DLGAP2: variants seen among roughly 807,000 people sequenced by gnomAD.
DLGAP2 encodes the protein disks large-associated protein 2.
DLGAP2 carries 26 observed loss-of-function variants against 100.3 expected under a neutral mutation model. The ratio of observed to expected loss-of-function variants is 0.26; its 90% confidence interval spans 0.19 to 0.36. DLGAP2 has a LOEUF of 0.36. Among genes scored for constraint, DLGAP2 ranks in the 10% least tolerant of loss-of-function variants. The probability of loss-of-function intolerance (pLI) is 1.00; values close to 1 mark genes in which losing one functional copy is unlikely to be tolerated. For missense variants in DLGAP2, 1,858 were observed against 1,453.2 expected (o/e 1.28, Z -4.53); for synonymous variants, 886 against 630.1 (o/e 1.41, Z -6.08).
Position 880,298 on chromosome 8 carries a change from T to G in DLGAP2, c.19-27614T>G, listed in dbSNP as rs1048927509. ...CCTCATGCACACACTTTGTGCATCC[T>G]GCCACCGAGGCCATGCGTCTTCTAG... On this transcript the variant is annotated intron_variant, in intron 1 of 14. Coordinates refer to ENST00000637795, the MANE Select transcript of DLGAP2 (RefSeq NM_001346810.2). Among the ~76,000 whole-genome samples, 17 of 152,388 alleles carry G rather than the reference T, an allele frequency of 1.1e-4. 1 individual carries two copies. The highest frequency in any genetic ancestry group is 8.5e-4 in the Admixed American group (13 of 15,308).
At chr8:1,293,523 C>G (rs979420271) in intron 3 of DLGAP2, among the ~76,000 whole-genome samples, 3 of 152,214 alleles carry the variant, frequency 2.0e-5, no homozygotes, top group Non-Finnish European at 4.4e-5. Flanking sequence ...TTCCCATTAT[C>G]TTCCTTTGGG....
At chr8:999,024 G>C (rs1800866100) in intron 2 of DLGAP2, among the ~76,000 whole-genome samples, 1 of 152,156 alleles carries the variant, frequency 6.6e-6, no homozygotes, top group South Asian at 2.1e-4. Flanking sequence ...GCTGCCTCCA[G>C]ATGAACCATA....
At chr8:1,638,985 C>A (rs569136985) in intron 8 of DLGAP2, among the ~76,000 whole-genome samples, 65 of 152,290 alleles carry the variant, frequency 4.3e-4, no homozygotes, top group Non-Finnish European at 7.2e-4. Flanking sequence ...CCAGTACAAC[C>A]GGGGAGCCGG....
At chr8:1,249,024 C>T (rs192110757) in intron 2 of DLGAP2, among the ~76,000 whole-genome samples, 1 of 152,102 alleles carries the variant, frequency 6.6e-6, no homozygotes, top group African/African-American at 2.4e-5. Context: ...AGGAGAGAGG[C>T]CCTTTATGCT....
intron 6 of DLGAP2, among the ~76,000 whole-genome samples, chr8:1,590,447 T>C (rs1450154738): frequency 6.6e-6 from 1 of 152,212 alleles, no homozygotes; most frequent in Non-Finnish European, 1.5e-5. Flanking sequence ...AAATATAGGA[T>C]GTCATTTCTC....
intron 3 of DLGAP2, among the ~76,000 whole-genome samples, chr8:1,494,797 C>A (rs191568461): frequency 6.6e-6 from 1 of 152,108 alleles, no homozygotes; most frequent in South Asian, 2.1e-4. Flanking sequence ...CAGACACCAC[C>A]ACACCACAGA....
chr8:963,064 G>C (rs1361536520), intron 2 of DLGAP2, among the ~76,000 whole-genome samples: 2 of 152,154 alleles, frequency 1.3e-5, no homozygotes, highest in Non-Finnish European at 1.5e-5. Flanking sequence ...TGTGGGCTTC[G>C]GTGCGGGCGC....
chr8:738,198 C>T (rs996088067), intron 1 of DLGAP2: 1 of 166,516 alleles, frequency 6.0e-6, no homozygotes, highest in Admixed American at 6.4e-5. Flanking sequence ...GGCTACGCGC[C>T]TAGCTCCGGT....
At chr8:1,578,528 C>A (rs543381611) in intron 6 of DLGAP2, among the ~76,000 whole-genome samples, 1 of 152,226 alleles carries the variant, frequency 6.6e-6, no homozygotes, top group South Asian at 2.1e-4. Flanking sequence ...CCTTCTAAAC[C>A]ACAGAGCAGA....
chr8:892,971 C>G (rs1442416206), intron 1 of DLGAP2: 1 of 143,710 alleles, frequency 7.0e-6, no homozygotes, highest in Non-Finnish European at 1.5e-5. Flanking sequence ...TGGGATTGGT[C>G]TGTGGTTGTG....
intron 1 of DLGAP2, among the ~76,000 whole-genome samples, chr8:849,316 A>T (rs1438170594): frequency 6.6e-6 from 1 of 152,236 alleles, no homozygotes; most frequent in Non-Finnish European, 1.5e-5. Flanking sequence ...GTTCCAGTAC[A>T]GGAACGAGCC....
chr8:1,476,795 AG>A (rs1188207873), intron 3 of DLGAP2, among the ~76,000 whole-genome samples: 7 of 139,800 alleles, frequency 5.0e-5, no homozygotes, highest in Admixed American at 5.0e-4. Context: ...CCCCTTCTGC[AG>A]ACCCACCCGT....
intron 2 of DLGAP2, among the ~76,000 whole-genome samples, chr8:1,174,819 C>T (rs1381291390): frequency 6.6e-6 from 1 of 152,148 alleles, no homozygotes; most frequent in Non-Finnish European, 1.5e-5. Flanking sequence ...TTACCATCAT[C>T]TAGACTATAG....
chr8:1,344,974 C>A (rs527582218), intron 3 of DLGAP2, among the ~76,000 whole-genome samples: 1 of 152,176 alleles, frequency 6.6e-6, no homozygotes, highest in Non-Finnish European at 1.5e-5. Context: ...AGGGCTAGAC[C>A]GCCAGTTAAT....
chr8:1,140,054 T>G (rs1796494900), intron 2 of DLGAP2, among the ~76,000 whole-genome samples: 1 of 152,184 alleles, frequency 6.6e-6, no homozygotes, highest in South Asian at 2.1e-4. Context: ...GGTGCTTTTT[T>G]TCTATGTAAG....
chr8:1,257,652 G>A (rs539229861), intron 2 of DLGAP2, among the ~76,000 whole-genome samples: 11 of 152,314 alleles, frequency 7.2e-5, no homozygotes, highest in East Asian at 3.9e-4. Flanking sequence ...TGTAGCTGAC[G>A]TGGAAGAGCC....
chr8:1,623,057 T>A (rs968050033), intron 6 of DLGAP2, among the ~76,000 whole-genome samples: 1 of 152,234 alleles, frequency 6.6e-6, no homozygotes, highest in African/African-American at 2.4e-5. Context: ...GATAAAATGC[T>A]AAGCCATTAT....
intron 2 of DLGAP2, among the ~76,000 whole-genome samples, chr8:1,214,846 G>A (rs1378163359): frequency 6.6e-6 from 1 of 152,228 alleles, no homozygotes; most frequent in Non-Finnish European, 1.5e-5. Flanking sequence ...TTAAAGCCAA[G>A]CCATCTGTTG....
intron 3 of DLGAP2, among the ~76,000 whole-genome samples, chr8:1,319,736 A>G (rs1053030220): frequency 6.6e-6 from 1 of 152,178 alleles, no homozygotes; most frequent in Non-Finnish European, 1.5e-5. Flanking sequence ...GAGGCAGGAC[A>G]TCAGCAGCTT....
Sources: gnomAD v4.1 joint callset for allele counts (sites outside exome capture counted in the v4.1 genomes callset) on GRCh38, gnomAD v4.1.1 for gene constraint, MANE v1.5 for transcripts, NCBI Gene and HGNC (gene_info 2026-07-23, HGNC 2026-07-21) for gene names.